The following RHAG variants were observed in gnomAD, a reference collection of about 807,000 sequenced individuals.
RHAG encodes the protein ammonium transporter Rh type A.
In RHAG, 25 loss-of-function variants were observed where a neutral mutation model predicts 42.4. That is an observed-to-expected ratio of 0.59 (90% confidence interval 0.43 to 0.82). RHAG has a LOEUF of 0.82. RHAG is among the 40% of genes least tolerant of loss of function. The pLI is 0.00. For missense variants in RHAG, 483 were observed against 504.6 expected (o/e 0.96, Z 0.41); for synonymous variants, 182 against 177.7 (o/e 1.02, Z -0.19).
chr6:49,619,982 A>C (rs1207510830), intron 1 of RHAG, among the ~76,000 whole-genome samples: 1 of 152,224 alleles, frequency 6.6e-6, no homozygotes, highest in African/African-American at 2.4e-5. Context: ...CATTTATCAA[A>C]TATGTATAAT....
intron 4 of RHAG, 91 bp from the exon 5 acceptor site, chr6:49,614,944 A>T: frequency 8.4e-7 from 1 of 1,192,186 alleles, no homozygotes; most frequent in Non-Finnish European, 1.2e-6. Context: ...TTACTTATTT[A>T]TTTGTTTATT....
chr6:49,607,794 T>A (rs187738809), intron 7 of RHAG, among the ~76,000 whole-genome samples: 6 of 152,322 alleles, frequency 3.9e-5, no homozygotes, highest in Admixed American at 3.9e-4. Context: ...GAATGACAAA[T>A]GACCTGGGAA....
At chr6:49,630,708 TTG>T (rs150228621) in intron 1 of RHAG, among the ~76,000 whole-genome samples, 2 of 151,946 alleles carry the variant, frequency 1.3e-5, no homozygotes, top group African/African-American at 2.4e-5. Context: ...CTTTCTGTGT[TTG>T]TGTGTGTGTG....
At chr6:49,624,708 C>T (rs1392682506) in intron 1 of RHAG, among the ~76,000 whole-genome samples, 3 of 152,162 alleles carry the variant, frequency 2.0e-5, no homozygotes, top group Non-Finnish European at 1.5e-5. Context: ...TCTCCAGTAT[C>T]TGGTACAGAG....
Position 49,618,183 on chromosome 6 carries a change from A to G in RHAG, c.377T>C (p.Leu126Pro). The G allele has an allele frequency of 6.2e-7, 1 of 1,614,186 alleles. No individual in the cohort carries two copies. Among genetic ancestry groups the G allele is most frequent in the Non-Finnish European group, 8.5e-7 (1 of 1,180,022 alleles). ...INADFSAATVLISFGAVLGKT... is the reference protein window; with the variant it reads ...INADFSAATVPISFGAVLGKT... ...TCCCAGGACAGCTCCAAAAGATATC[A>G]GAACTGTGGCTGCACTGAAGTCTGC... The change falls in exon 3 of 10, where the codon CTG becomes CCG. Residue 126 changes from leucine to proline, a missense_variant. Coordinates refer to ENST00000371175, the MANE Select transcript of RHAG (RefSeq NM_000324.3).
intron 9 of RHAG, 155 bp downstream of exon 9, chr6:49,606,693 C>A (rs1280341234): frequency 1.8e-5 from 12 of 669,304 alleles, no homozygotes; most frequent in Non-Finnish European, 3.3e-5. Context: ...GCCTCAGCCG[C>A]CCAACGTGCT....
At chr6:49,627,647 G>A (rs987874984) in intron 1 of RHAG, among the ~76,000 whole-genome samples, 8 of 152,148 alleles carry the variant, frequency 5.3e-5, no homozygotes, top group South Asian at 2.1e-4. Flanking sequence ...CTGAGACTGC[G>A]TAATTCATAA....
intron 1 of RHAG, among the ~76,000 whole-genome samples, chr6:49,636,207 C>T (rs13192504): frequency 0.2 from 30,634 of 152,022 alleles, 3,939 homozygotes; most frequent in Middle Eastern, 0.29. Flanking sequence ...CTACATCATA[C>T]TAAATACCCC....
chr6:49,634,579 G>A (rs1204762674), intron 1 of RHAG, among the ~76,000 whole-genome samples: 1 of 151,814 alleles, frequency 6.6e-6, no homozygotes, highest in East Asian at 1.9e-4. Flanking sequence ...ATCCATCAGT[G>A]GATGAATAGA....
Position 49,628,099 on chromosome 6 carries a change from C to T in RHAG, c.157+8557G>A, listed in dbSNP as rs559201105. 4.6e-5 allele frequency among the ~76,000 whole-genome samples: 7 copies of T among 151,556 alleles called. No homozygotes were observed. The South Asian group carries it at 1.0e-3, about 23-fold the overall frequency. The stretch of plus-strand genomic sequence containing the variant: ...ATATGCCAGCTGCTTGGAATGATGT[C>T]CGCTCCATCTCACACCCAACACTTT... On this transcript the variant is annotated intron_variant, in intron 1 of 9. Coordinates refer to ENST00000371175, the MANE Select transcript of RHAG (RefSeq NM_000324.3).
intron 1 of RHAG, among the ~76,000 whole-genome samples, chr6:49,623,108 G>A (rs1394386850): frequency 9.2e-5 from 14 of 152,174 alleles, no homozygotes; most frequent in Non-Finnish European, 1.5e-5. Flanking sequence ...AAAGTGCTGG[G>A]ACTACAGGCG....
chr6:49,619,655 G>A (rs564969736), intron 1 of RHAG, among the ~76,000 whole-genome samples: 10 of 152,200 alleles, frequency 6.6e-5, no homozygotes, highest in African/African-American at 2.4e-4. Flanking sequence ...TCCACCTGAG[G>A]ACAGACTTAC....
At chr6:49,636,179 TA>T (rs1013996443) in intron 1 of RHAG, among the ~76,000 whole-genome samples, 18 of 152,264 alleles carry the variant, frequency 1.2e-4, no homozygotes, top group African/African-American at 4.3e-4. Context: ...CTTTTTTGAT[TA>T]AAACTCCATT....
chr6:49,628,666 T>C (rs913310297), intron 1 of RHAG, among the ~76,000 whole-genome samples: 2 of 147,860 alleles, frequency 1.4e-5, no homozygotes, highest in Admixed American at 6.8e-5. Context: ...TCGTTCCTCC[T>C]GGTGGGCTCA....
At chr6:49,611,916 A>ATT (rs368093436) in intron 6 of RHAG, among the ~76,000 whole-genome samples, 4 of 144,036 alleles carry the variant, frequency 2.8e-5, no homozygotes, top group Admixed American at 1.4e-4. Context: ...TAATTTTTGT[A>ATT]TTTTTTTTTT....
chr6:49,636,309 C>G (rs147862506), intron 1 of RHAG, among the ~76,000 whole-genome samples: 1 of 152,116 alleles, frequency 6.6e-6, no homozygotes, highest in Non-Finnish European at 1.5e-5. Context: ...TTACCTTTGG[C>G]CCTTTCAGTG....
At chr6:49,632,502 T>C (rs1762948659) in intron 1 of RHAG, among the ~76,000 whole-genome samples, 2 of 152,226 alleles carry the variant, frequency 1.3e-5, no homozygotes, top group South Asian at 4.1e-4. Context: ...GCAAGGCTTT[T>C]CTAGAGAGAC....
chr6:49,616,370 A>G (rs901938890), intron 3 of RHAG, among the ~76,000 whole-genome samples: 1 of 151,784 alleles, frequency 6.6e-6, no homozygotes, highest in East Asian at 1.9e-4. Flanking sequence ...AAAAAAAAAA[A>G]AAAAAGATAC....
chr6:49,622,043 G>A (rs1473132392), intron 1 of RHAG, among the ~76,000 whole-genome samples: 1 of 142,250 alleles, frequency 7.0e-6, no homozygotes, highest in Non-Finnish European at 1.5e-5. Context: ...GTTTTAAACT[G>A]TGCAGTTACC....
Sources: allele counts gnomAD v4.1 joint callset (sites outside exome capture counted in the v4.1 genomes callset), GRCh38; gene constraint gnomAD v4.1.1; transcripts MANE v1.5; gene names NCBI Gene and HGNC (gene_info 2026-07-23, HGNC 2026-07-21).